SCNN1G: variants seen among roughly 807,000 people sequenced by gnomAD.
SCNN1G encodes the protein epithelial sodium channel subunit gamma.
Under a neutral mutation model 64.6 loss-of-function variants are expected in SCNN1G, and 27 were observed. The ratio of observed to expected loss-of-function variants is 0.42; its 90% CI spans 0.31 to 0.58. SCNN1G has a LOEUF of 0.58. SCNN1G is among the 20% of genes least tolerant of loss of function. The pLI is 0.18. For synonymous variants in SCNN1G, 330 were observed against 314.2 expected (o/e 1.05, Z -0.53); for missense variants, 743 against 823.4 (o/e 0.90, Z 1.19).
At chr16:23,199,526 G>A (rs558961978) in intron 6 of SCNN1G, among the ~76,000 whole-genome samples, 2 of 152,096 alleles carry the variant, frequency 1.3e-5, no homozygotes, top group African/African-American at 2.4e-5. Flanking sequence ...AGCAATATGA[G>A]AGTAGCTATT....
chr16:23,214,820 C>T (rs1281063023), intron 12 of SCNN1G, 33 bp downstream of exon 12: 1 of 1,547,738 alleles, frequency 6.5e-7, no homozygotes, highest in Admixed American at 1.7e-5. Context: ...AGGACCTGTC[C>T]TGGGCCTACA....
chr16:23,208,107 T>C (rs907917768), intron 6 of SCNN1G, among the ~76,000 whole-genome samples: 1 of 152,210 alleles, frequency 6.6e-6, no homozygotes, highest in African/African-American at 2.4e-5. Flanking sequence ...CCACCCCCAT[T>C]TTTGCTTGTT....
rs1960133684 is a variant in SCNN1G, at chr16:23,214,802, T to C, written c.1569+15T>C. The C allele has an allele frequency of 1.9e-6, 3 of 1,602,862 alleles. No homozygotes were observed. The South Asian group carries it at 3.3e-5, about 18-fold the overall frequency. On this transcript the variant is annotated intron_variant, in intron 12 of 12. Transcript: ENST00000300061. ...CAGCCAACAGTGTGAGTAGAGTGGC[T>C]TCCTTCCAGGACCTGTCCTGGGCCT...
At position 23,197,253 on chromosome 16, in the gene SCNN1G, T is replaced by C; in HGVS notation, c.914-11T>C. ...AGCCTTGGATCACAGCAGGTTGTCT[T>C]ATCCTCCCAGGGCTGCAAGTCATTT... On this transcript the variant is annotated splice_polypyrimidine_tract_variant and intron_variant, in intron 5 of 12. Coordinates refer to ENST00000300061, the MANE Select transcript of SCNN1G (RefSeq NM_001039.4). 1.2e-6 allele frequency: 2 copies of C among 1,612,630 alleles called. No homozygotes were observed. The highest frequency in any genetic ancestry group is 1.7e-6 in the Non-Finnish European group (2 of 1,179,368).
chr16:23,208,041 A>G (rs1299432696), intron 6 of SCNN1G, among the ~76,000 whole-genome samples: 1 of 152,238 alleles, frequency 6.6e-6, no homozygotes, highest in Non-Finnish European at 1.5e-5. Flanking sequence ...CAGTTGTAAT[A>G]AACTGGTCAC....
intron 6 of SCNN1G, among the ~76,000 whole-genome samples, chr16:23,207,942 A>C (rs1035425106): frequency 6.6e-6 from 1 of 152,084 alleles, no homozygotes; most frequent in Non-Finnish European, 1.5e-5. Flanking sequence ...CAAATCTGCC[A>C]TTCTTTTTCT....
intron 11 of SCNN1G, among the ~76,000 whole-genome samples, chr16:23,214,408 A>C (rs1298618671): frequency 6.6e-6 from 1 of 152,228 alleles, no homozygotes; most frequent in African/African-American, 2.4e-5. Flanking sequence ...GATTGCAATC[A>C]ATCAATTACA....
chr16:23,207,975 A>C (rs1479716054), intron 6 of SCNN1G, among the ~76,000 whole-genome samples: 2 of 152,096 alleles, frequency 1.3e-5, no homozygotes, highest in Non-Finnish European at 2.9e-5. Flanking sequence ...CTCCCCAACC[A>C]AAAAAATAAA....
chr16:23,198,303 G>A (rs999502572), intron 6 of SCNN1G, among the ~76,000 whole-genome samples: 2 of 152,206 alleles, frequency 1.3e-5, no homozygotes, highest in Non-Finnish European at 2.9e-5. Context: ...GAGCTGAATG[G>A]CAAGATGAAG....
chr16:23,205,420 C>A (rs946671853), intron 6 of SCNN1G, among the ~76,000 whole-genome samples: 23 of 151,980 alleles, frequency 1.5e-4, no homozygotes, highest in African/African-American at 5.3e-4. Context: ...AATAATGAGT[C>A]CAAGCTGGGC....
chr16:23,215,026 T>C, intron 12 of SCNN1G, 63 bp from the exon 13 acceptor site: 2 of 1,600,448 alleles, frequency 1.2e-6, no homozygotes, highest in Non-Finnish European at 1.7e-6. Flanking sequence ...GAATCAGGGT[T>C]CCTGTGTGAG....
chr16:23,202,565 T>C (rs1959910224), intron 6 of SCNN1G, among the ~76,000 whole-genome samples: 1 of 152,156 alleles, frequency 6.6e-6, no homozygotes, highest in Admixed American at 6.5e-5. Context: ...GAGAAACTTT[T>C]CAAAAAATCA....
At chr16:23,192,311 A>C in intron 3 of SCNN1G, 41 bp from the exon 4 acceptor site, 1 of 1,507,066 alleles carries the variant, frequency 6.6e-7, no homozygotes, top group Non-Finnish European at 9.2e-7. Context: ...GAGTAGCGAT[A>C]GGACCGATGG....
chr16:23,208,180 C>G (rs1383581561), intron 6 of SCNN1G, among the ~76,000 whole-genome samples: 2 of 152,032 alleles, frequency 1.3e-5, no homozygotes, highest in African/African-American at 4.8e-5. Flanking sequence ...TTTAGTAATC[C>G]ACAATAAAAC....
At chr16:23,206,203 A>AG (rs1959987558) in intron 6 of SCNN1G, among the ~76,000 whole-genome samples, 1 of 152,344 alleles carries the variant, frequency 6.6e-6, no homozygotes, top group South Asian at 2.1e-4. Flanking sequence ...GGCTGGGACA[A>AG]GAGTTACCAC....
chr16:23,197,518 G>T, intron 6 of SCNN1G, 91 bp downstream of exon 6: 3 of 1,203,458 alleles, frequency 2.5e-6, no homozygotes, highest in East Asian at 2.3e-5. Context: ...ATGGAAAAGG[G>T]TGTTTGTTTC....
Position 23,215,261 on chromosome 16 carries a change from G to A in SCNN1G, c.1742G>A (p.Cys581Tyr), listed in dbSNP as rs1315810714. The change falls in exon 13 of 13, where the codon TGT becomes TAT. Residue 581 changes from cysteine to tyrosine, a missense_variant. Coordinates refer to ENST00000300061, the MANE Select transcript of SCNN1G (RefSeq NM_001039.4). The stretch of plus-strand genomic sequence containing the variant: ...TGGGCCTGGAAACAGGCTCCCCCAT[G>A]TCCAGAAGCTCCCCGTAGCCCACAG... ...EWWAWKQAPP[C>Y]PEAPRSPQGQ... 1 of 1,614,198 alleles carries A rather than the reference G, an allele frequency of 6.2e-7. No individual in the cohort carries two copies. Among genetic ancestry groups the A allele is most frequent in the Non-Finnish European group, 8.5e-7 (1 of 1,180,036 alleles).
At chr16:23,208,973 C>T (rs1960036840) in intron 6 of SCNN1G, among the ~76,000 whole-genome samples, 1 of 152,124 alleles carries the variant, frequency 6.6e-6, no homozygotes, top group African/African-American at 2.4e-5. Context: ...TTCATTCAGA[C>T]AATCAAATCC....
intron 6 of SCNN1G, 24 bp from the exon 7 acceptor site, chr16:23,209,726 G>A: frequency 6.4e-7 from 1 of 1,573,670 alleles, no homozygotes; most frequent in African/African-American, 1.3e-5. Flanking sequence ...GGACAGGGCT[G>A]AGTGTGTGCT....
Sources: gnomAD v4.1 joint callset for allele counts (sites outside exome capture counted in the v4.1 genomes callset) on GRCh38, gnomAD v4.1.1 for gene constraint, MANE v1.5 for transcripts, NCBI Gene and HGNC (gene_info 2026-07-23, HGNC 2026-07-21) for gene names.